Variants in F9 observed in about 807,000 individuals in gnomAD.
F9 encodes coagulation factor IX.
Under a neutral mutation model 34.1 loss-of-function variants are expected in F9, and 2 were observed. That is an observed-to-expected ratio of 0.06 (90% CI 0.02 to 0.18). F9 has a LOEUF of 0.18. F9 is among the 10% of genes least tolerant of loss of function. The pLI is 1.00. For synonymous variants in F9, 137 were observed against 118.8 expected, an observed-to-expected ratio of 1.15 and a Z score of -1.00; for missense variants, 216 against 345.1, an observed-to-expected ratio of 0.63 and a Z score of 2.96.
intron 3 of F9, among the ~76,000 whole-genome samples, chrX:139,539,604 G>A (rs1230345791): frequency 3.6e-5 from 4 of 112,602 alleles, no homozygotes; most frequent in Non-Finnish European, 1.9e-5. Flanking sequence ...TTCCTGTGTA[G>A]CTGGCTGAAA....
Position 139,537,048 on chromosome X carries a change from C to T in F9, c.127C>T (p.Arg43Trp), listed in dbSNP as rs1603264205. Reference protein sequence around the residue: ...DHENANKILNRPKRYNSGKLE... With the variant: ...DHENANKILNWPKRYNSGKLE... ...TGAAAACGCCAACAAAATTCTGAAT[C>T]GGCCAAAGAGGTATAATTCAGGTAA... Residue 43 changes from arginine to tryptophan, a missense_variant, in exon 2 of 8, where the codon CGG becomes TGG. This residue lies in a region of F9 where 177 missense variants were observed against 311.8 expected (regional missense o/e 0.57). Coordinates refer to ENST00000218099, the MANE Select transcript of F9 (RefSeq NM_000133.4). The T allele has an allele frequency of 8.3e-7, 1 of 1,207,725 alleles. No homozygotes were observed. Among genetic ancestry groups the T allele is most frequent in the Non-Finnish European group, 1.1e-6 (1 of 893,237 alleles).
chrX:139,530,931 A>C, intron 1 of F9, 79 bp downstream of exon 1: 1 of 860,116 alleles, frequency 1.2e-6, no homozygotes, highest in Non-Finnish European at 1.7e-6. Context: ...TTCTTCACTA[A>C]ATTTTGATTA....
At chrX:139,534,918 AT>A (rs965652392) in intron 1 of F9, among the ~76,000 whole-genome samples, 11 of 111,371 alleles carry the variant, frequency 9.9e-5, no homozygotes, top group African/African-American at 2.6e-4. Context: ...CATTTTGGTG[AT>A]TTTTTTCCTT....
chrX:139,530,918 G>T, intron 1 of F9, 66 bp downstream of exon 1: 1 of 918,611 alleles, frequency 1.1e-6, no homozygotes. Flanking sequence ...ATCTGATGCT[G>T]TCTTCTTCAC....
In F9 at chrX:139,541,205, T is replaced by C. The variant is rs1927594410; in HGVS notation, c.391+16T>C. Reference sequence around the variant, plus strand: ...TGTGAATTAGGTAAGTAACTATTTTTTGAATACTCATGGTTCAAAGTTTCC... The same window carrying C: ...TGTGAATTAGGTAAGTAACTATTTTCTGAATACTCATGGTTCAAAGTTTCC... On this transcript the variant is annotated intron_variant, in intron 4 of 7. Transcript: ENST00000218099. 9.4e-7 allele frequency: 1 copy of C among 1,062,327 alleles called. No homozygotes were observed. Among genetic ancestry groups the C allele is most frequent in the Non-Finnish European group, 1.3e-6 (1 of 767,256 alleles). 87.5% of individuals were successfully genotyped at this position (1,062,327 alleles called of 1,213,427 possible).
intron 3 of F9, among the ~76,000 whole-genome samples, chrX:139,539,860 T>C (rs1927564492): frequency 9.0e-6 from 1 of 111,448 alleles, no homozygotes; most frequent in African/African-American, 3.3e-5. Flanking sequence ...GGACTACTTA[T>C]GATAAAGGGA....
At chrX:139,558,162 C>T (rs756483572) in intron 6 of F9, among the ~76,000 whole-genome samples, 26 of 113,760 alleles carry the variant, frequency 2.3e-4, no homozygotes, top group South Asian at 7.0e-4. Flanking sequence ...GTGCCCTATG[C>T]TATCTTGGAA....
At chrX:139,558,118 A>G (rs1569332077) in intron 6 of F9, among the ~76,000 whole-genome samples, 1 of 113,367 alleles carries the variant, frequency 8.8e-6, no homozygotes, top group Non-Finnish European at 1.9e-5. Flanking sequence ...ACATGGGCAT[A>G]GGAGCAGGGA....
At chrX:139,533,055 G>A (rs4149667) in intron 1 of F9, among the ~76,000 whole-genome samples, 7,370 of 111,327 alleles carry the variant, frequency 0.066, 648 homozygotes, top group African/African-American at 0.23. Flanking sequence ...CTAGGAGAGA[G>A]CAGTCCTGAG....
chrX:139,550,844 C>T (rs1221689970), intron 5 of F9, among the ~76,000 whole-genome samples: 2 of 111,569 alleles, frequency 1.8e-5, no homozygotes, highest in Non-Finnish European at 3.8e-5. Flanking sequence ...AATTCCGGAG[C>T]CAAATGTTCT....
At chrX:139,546,943 G>A (rs897359807) in intron 4 of F9, among the ~76,000 whole-genome samples, 2 of 111,562 alleles carry the variant, frequency 1.8e-5, no homozygotes, top group South Asian at 3.8e-4. Flanking sequence ...GTGGGAGGTC[G>A]GGCAGGATTC....
Position 139,551,088 on chromosome X carries a change from G to C in F9, c.547G>C (p.Val183Leu). Residue 183 changes from valine to leucine, a missense_variant, in exon 6 of 8, where the codon GTT (valine) becomes CTT (leucine). Transcript: ENST00000218099. Reference protein sequence around the residue: ...AVPFPCGRVSVSQTSKLTRAE... With the variant: ...AVPFPCGRVSLSQTSKLTRAE... The stretch of plus-strand genomic sequence containing the variant: ...GCCATTTCCATGTGGAAGAGTTTCT[G>C]TTTCACAAACTTCTAAGCTCACCCG... The C allele has an allele frequency of 8.3e-7, 1 of 1,211,368 alleles. No homozygotes were observed. Among genetic ancestry groups the C allele is most frequent in the Non-Finnish European group, 1.1e-6 (1 of 895,147 alleles).
In F9 at chrX:139,537,382, T is replaced by C. The variant is rs142980421; in HGVS notation, c.273T>C (p.Tyr91=). 1.7e-6 allele frequency: 2 copies of C among 1,186,592 alleles called. No individual in the cohort carries two copies. Among genetic ancestry groups the C allele is most frequent in the Non-Finnish European group, 2.3e-6 (2 of 872,980 alleles). The change falls in exon 3 of 8, where the codon TAT becomes TAC. Residue 91 remains tyrosine (Y), a synonymous_variant. Coordinates refer to ENST00000218099, the MANE Select transcript of F9 (RefSeq NM_000133.4). ...TERTTEFWKQ[Y]VDGDQCESNP... Reference sequence around the variant, plus strand: ...TATAGACTGAATTTTGGAAGCAGTATGTTGGTAAGCAATTCATTTTATCCT... The same window carrying C: ...TATAGACTGAATTTTGGAAGCAGTACGTTGGTAAGCAATTCATTTTATCCT...
intron 6 of F9, among the ~76,000 whole-genome samples, chrX:139,554,933 C>T (rs1927932220): frequency 9.0e-6 from 1 of 111,718 alleles, no homozygotes; most frequent in Non-Finnish European, 1.9e-5. Flanking sequence ...GAGTAATGAA[C>T]AGATTGAACA....
intron 4 of F9, among the ~76,000 whole-genome samples, chrX:139,542,003 C>T (rs1390352763): frequency 9.0e-6 from 1 of 111,614 alleles, no homozygotes; most frequent in Non-Finnish European, 1.9e-5. Flanking sequence ...TCTACTCTGA[C>T]ACTCTGGAAG....
chrX:139,537,270 A>G (rs1927504088), intron 2 of F9, 92 bp from the exon 3 acceptor site: 1 of 1,099,676 alleles, frequency 9.1e-7, no homozygotes, highest in Non-Finnish European at 1.3e-6. Context: ...ATCCATATAT[A>G]TTTATGTATG....
chrX:139,546,325 T>C (rs186820260), intron 4 of F9, among the ~76,000 whole-genome samples: 661 of 111,994 alleles, frequency 5.9e-3, no homozygotes, highest in Middle Eastern at 9.2e-3. Context: ...CGGTCTGTCA[T>C]TGATGGGCAT....
chrX:139,553,087 A>G (rs1927882324), intron 6 of F9, among the ~76,000 whole-genome samples: 1 of 112,052 alleles, frequency 8.9e-6, no homozygotes, highest in Non-Finnish European at 1.9e-5. Flanking sequence ...ATCACAATCA[A>G]GGTTTTCCCT....
At position 139,548,237 on chromosome X, in the gene F9, A is replaced by G. The variant is rs1197175454; in HGVS notation, c.392-126A>G. On this transcript the variant is annotated intron_variant, in intron 4 of 7. Transcript: ENST00000218099. ...CAAGGCTCCAAAATTTCTCTCCCCA[A>G]CGTATATTGGGGGCAACATGAATGC... The G allele has an allele frequency of 1.4e-5, 10 of 713,758 alleles. No homozygotes were observed. In the Admixed American group the frequency reaches 2.0e-4, roughly 14 times the overall value. The allele number at this position is 713,758 out of a possible 1,213,427, so 58.8% of individuals were successfully genotyped here.
Sources: allele counts gnomAD v4.1 joint callset (sites outside exome capture counted in the v4.1 genomes callset), GRCh38; gene constraint gnomAD v4.1.1; regional missense constraint gnomAD v4.1.1; transcripts MANE v1.5; gene names NCBI Gene and HGNC (gene_info 2026-07-23, HGNC 2026-07-21).